SRGAP3: variants seen among roughly 807,000 people sequenced by gnomAD.
The protein encoded by SRGAP3 is SLIT-ROBO Rho GTPase-activating protein 3.
In SRGAP3, 39 loss-of-function variants were observed where a neutral mutation model predicts 121.1. That is an observed-to-expected ratio of 0.32 (90% CI 0.25 to 0.42). The LOEUF (loss-of-function observed/expected upper bound fraction) is 0.42. Among genes scored for constraint, SRGAP3 ranks in the 10% least tolerant of loss-of-function variants. SRGAP3 has a pLI of 1.00. For missense variants in SRGAP3, 1,213 were observed against 1,470.6 expected, an observed-to-expected ratio of 0.82 and a Z score of 2.86; for synonymous variants, 601 against 570.0, an observed-to-expected ratio of 1.05 and a Z score of -0.77.
chr3:9,013,860 C>G lies in SRGAP3; in HGVS notation c.1814-18G>C, dbSNP rs764991917. 5 of 1,610,254 alleles carry G rather than the reference C, an allele frequency of 3.1e-6. No homozygotes were observed. In the Admixed American group the frequency reaches 6.7e-5, roughly 21 times the overall value. On this transcript the variant is annotated intron_variant, in intron 15 of 21. Transcript: ENST00000383836. Reference sequence around the variant, plus strand: ...CTCCAGTTCTGTAACATAAAGGGGCCTTTCAGCGTGCCTTTCATCCTCAGA... The same window carrying G: ...CTCCAGTTCTGTAACATAAAGGGGCGTTTCAGCGTGCCTTTCATCCTCAGA...
intron 10 of SRGAP3, among the ~76,000 whole-genome samples, chr3:9,040,196 A>G (rs998851209): frequency 6.6e-6 from 1 of 152,146 alleles, no homozygotes; most frequent in South Asian, 2.1e-4. Context: ...CAGCCAAGCA[A>G]TCTCTTTAAA....
At chr3:9,074,493 T>C (rs1040555280) in intron 4 of SRGAP3, among the ~76,000 whole-genome samples, 1 of 152,046 alleles carries the variant, frequency 6.6e-6, no homozygotes, top group Non-Finnish European at 1.5e-5. Flanking sequence ...TAACTAACAC[T>C]GGGGGAACTT....
At chr3:8,988,319 C>A (rs1397844598) in intron 21 of SRGAP3, among the ~76,000 whole-genome samples, 1 of 152,174 alleles carries the variant, frequency 6.6e-6, no homozygotes, top group Non-Finnish European at 1.5e-5. Flanking sequence ...TTGGGTCACT[C>A]GGCCTACTAC....
In SRGAP3 at chr3:9,079,079, A is replaced by G. The variant is rs183580996; in HGVS notation, c.486+946T>C. ...AAACACAGAAAGATAATAAAACCAA[A>G]CAGAAGGGGCTTCTCACAGACTGCT... On this transcript the variant is annotated intron_variant, in intron 4 of 21. Transcript: ENST00000383836. Among the ~76,000 whole-genome samples, 31 of 152,288 alleles carry G rather than the reference A, an allele frequency of 2.0e-4. No homozygotes were observed. The East Asian group carries it at 3.3e-3, about 16-fold the overall frequency.
At chr3:9,137,279 A>C (rs567377880) in intron 1 of SRGAP3, among the ~76,000 whole-genome samples, 1 of 152,274 alleles carries the variant, frequency 6.6e-6, no homozygotes, top group Admixed American at 6.5e-5. Context: ...AGGGTAGTAA[A>C]GGCCAGGCTT....
chr3:9,001,486 T>G (rs1223226222), intron 18 of SRGAP3, among the ~76,000 whole-genome samples: 1 of 151,882 alleles, frequency 6.6e-6, no homozygotes, highest in Non-Finnish European at 1.5e-5. Flanking sequence ...TGTTAGAAAA[T>G]ATGCAAAAGA....
Position 9,013,347 on chromosome 3 carries a change from G to T in SRGAP3, c.2108C>A (p.Pro703His). 1 of 1,614,050 alleles carries T rather than the reference G, an allele frequency of 6.2e-7. No individual in the cohort carries two copies. The highest frequency in any genetic ancestry group is 8.5e-7 in the Non-Finnish European group (1 of 1,180,016). Residue 703 changes from proline (P) to histidine (H), a missense_variant, in exon 17 of 22, where the codon CCT becomes CAT. Around this residue, in one of 2 missense-constraint regions of SRGAP3, gnomAD observed 793 missense variants for 1,032.9 expected, o/e 0.77. Transcript: ENST00000383836. ...TCCAGCCATGCATTTTTCATACACA[G>T]GTCCCTCTAGCTCCCGGGGGCTGGG... is the stretch of plus-strand genomic sequence containing the variant. ...IFPSPRELEG[P>H]VYEKCMAGGE...
chr3:9,004,652 G>A (rs1040735156), intron 18 of SRGAP3, among the ~76,000 whole-genome samples: 1 of 152,170 alleles, frequency 6.6e-6, no homozygotes, highest in African/African-American at 2.4e-5. Context: ...TAACAAGGGT[G>A]CTAAGACCAT....
At chr3:9,362,865 C>T (rs1380330662) in exon 1 of SRGAP3, 1 of 152,212 alleles carries the variant, frequency 6.6e-6, no homozygotes, top group East Asian at 1.9e-4. Context: ...GGGAAGCACT[C>T]TCTAAACGTT....
intron 1 of SRGAP3, among the ~76,000 whole-genome samples, chr3:9,241,603 T>A (rs539452896): frequency 1.3e-5 from 2 of 152,310 alleles, no homozygotes; most frequent in African/African-American, 4.8e-5. Flanking sequence ...CTACTTTCAA[T>A]AGAATAGGAA....
intron 6 of SRGAP3, 142 bp from the exon 7 acceptor site, chr3:9,058,614 C>A: frequency 1.2e-6 from 1 of 843,168 alleles, no homozygotes; most frequent in South Asian, 1.6e-5. Flanking sequence ...ACTTTGGAAT[C>A]CTACTGCACA....
intron 1 of SRGAP3, among the ~76,000 whole-genome samples, chr3:9,201,426 G>A (rs1952064863): frequency 6.6e-6 from 1 of 152,180 alleles, no homozygotes; most frequent in African/African-American, 2.4e-5. Flanking sequence ...TGAGACATCT[G>A]GTGTCCATTA....
chr3:9,108,713 T>C (rs1244774429), intron 2 of SRGAP3, among the ~76,000 whole-genome samples: 3 of 152,124 alleles, frequency 2.0e-5, no homozygotes, highest in Non-Finnish European at 1.5e-5. Context: ...GGCATGATCA[T>C]GGAAGGCAGA....
chr3:9,081,567 C>T (rs1006554041), intron 3 of SRGAP3, among the ~76,000 whole-genome samples: 6 of 152,182 alleles, frequency 3.9e-5, no homozygotes, highest in Admixed American at 3.9e-4. Flanking sequence ...TGAGAAAAAG[C>T]TAATTGAACA....
intron 1 of SRGAP3, among the ~76,000 whole-genome samples, chr3:9,177,904 C>A (rs1951238011): frequency 6.6e-6 from 1 of 152,194 alleles, no homozygotes; most frequent in Admixed American, 6.5e-5. Flanking sequence ...GACCAGCAAG[C>A]ACCTGCCCCA....
chr3:9,010,527 T>C (rs1156663534), intron 17 of SRGAP3, 140 bp from the exon 18 acceptor site: 5 of 887,866 alleles, frequency 5.6e-6, no homozygotes, highest in African/African-American at 1.7e-5. Context: ...ATCTTTTCCA[T>C]GTGACCACTC....
intron 21 of SRGAP3, among the ~76,000 whole-genome samples, chr3:8,987,035 C>T (rs1297696258): frequency 6.6e-6 from 1 of 152,274 alleles, no homozygotes; most frequent in Non-Finnish European, 1.5e-5. Flanking sequence ...TAAAAAGAAT[C>T]TGTGGCCAGT....
At chr3:8,988,301 A>G (rs2124914826) in intron 21 of SRGAP3, among the ~76,000 whole-genome samples, 1 of 152,316 alleles carries the variant, frequency 6.6e-6, no homozygotes, top group South Asian at 2.1e-4. Flanking sequence ...TTTTGAGACC[A>G]AAGAAATTTG....
intron 3 of SRGAP3, among the ~76,000 whole-genome samples, chr3:9,088,081 A>T (rs1231416036): frequency 6.6e-6 from 1 of 152,234 alleles, no homozygotes; most frequent in East Asian, 1.9e-4. Flanking sequence ...AACTCAAACC[A>T]AACTTTTCAC....
Sources: gnomAD v4.1 joint callset for allele counts (sites outside exome capture counted in the v4.1 genomes callset) on GRCh38, gnomAD v4.1.1 for gene constraint, gnomAD v4.1.1 regional missense constraint, MANE v1.5 for transcripts, NCBI Gene and HGNC (gene_info 2026-07-23, HGNC 2026-07-21) for gene names.